ZNF316: variants seen among roughly 807,000 people sequenced by gnomAD.
ZNF316 encodes zinc finger protein 316.
In ZNF316, 23 loss-of-function variants were observed where a neutral mutation model predicts 75.6. That is an observed-to-expected ratio of 0.30 (90% CI 0.22 to 0.43). The LOEUF is 0.43. ZNF316 is among the 20% of genes least tolerant of loss of function. The pLI is 1.00. For missense variants in ZNF316, 1,266 were observed against 1,409.4 expected (o/e 0.90, Z 1.63); for synonymous variants, 827 against 666.2 (o/e 1.24, Z -3.72).
intron 3 of ZNF316, among the ~76,000 whole-genome samples, chr7:6,641,480 G>A (rs1779311075): frequency 6.6e-6 from 1 of 152,226 alleles, no homozygotes; most frequent in African/African-American, 2.4e-5. Context: ...GACACGCAGT[G>A]GGGAGGGGCG....
intron 6 of ZNF316, 63 bp from the exon 7 acceptor site, chr7:6,643,759 A>G: frequency 8.1e-7 from 1 of 1,230,166 alleles, no homozygotes; most frequent in East Asian, 3.2e-5. Context: ...CAGTGGCCTC[A>G]ATCTTCCGTG....
rs951881780 is a variant in ZNF316, at chr7:6,656,999, G to A, written c.*2388G>A. Among the ~76,000 whole-genome samples, 2 of 152,110 alleles carry A rather than the reference G, an allele frequency of 1.3e-5. No individual in the cohort carries two copies. The highest frequency in any genetic ancestry group is 2.4e-5 in the African/African-American group (1 of 41,430). Reference sequence around the variant, plus strand: ...TGCTGTAATCAAATGTGATCTGGAGGCATCAGAACAGAGCAATCTAATGCT... The same window carrying A: ...TGCTGTAATCAAATGTGATCTGGAGACATCAGAACAGAGCAATCTAATGCT... On this transcript the variant is annotated 3_prime_UTR_variant, in exon 9 of 9. Transcript: ENST00000382252.
At position 6,653,266 on chromosome 7, in the gene ZNF316, AG is replaced by A; in HGVS notation, c.1672del (p.Glu558ArgfsTer233). The A allele has an allele frequency of 1.6e-6, 2 of 1,227,292 alleles. No homozygotes were observed. The highest frequency in any genetic ancestry group is 2.0e-6 in the Non-Finnish European group (2 of 985,808). 76.0% of individuals were successfully genotyped at this position (1,227,292 alleles called of 1,614,324 possible). A position where few individuals can be genotyped will look rare whatever the true frequency, so the allele number is the denominator to read the frequency against. On this transcript the variant is annotated frameshift_variant, in exon 9 of 9. Transcript: ENST00000382252. LOFTEE classifies it high-confidence loss of function. ...GEAEAAAEER[E>X]EAAVAAPTPS... ...GCGGAGGCCGCGGCCGAGGAGAGAG[AG>A]GAGGCGGCGGTGGCGGCGCCCACCC...
Position 6,658,106 on chromosome 7 carries a change from G to A in ZNF316, c.*3495G>A, listed in dbSNP as rs986556676. Among the ~76,000 whole-genome samples the A allele has an allele frequency of 2.0e-5, 3 of 152,092 alleles. No individual in the cohort carries two copies. The highest frequency in any genetic ancestry group is 2.1e-4 in the South Asian group (1 of 4,812). Reference sequence around the variant, plus strand: ...TTTGTTATTTCCTTTCTCTTTTGCCGGTTTCCCCAACCTCCTTCCTTTTCT... The same window carrying A: ...TTTGTTATTTCCTTTCTCTTTTGCCAGTTTCCCCAACCTCCTTCCTTTTCT... On this transcript the variant is annotated 3_prime_UTR_variant, in exon 9 of 9. Coordinates refer to ENST00000382252, the MANE Select transcript of ZNF316 (RefSeq NM_001278559.2).
intron 7 of ZNF316, among the ~76,000 whole-genome samples, chr7:6,644,243 G>C (rs1017020421): frequency 3.9e-5 from 6 of 152,150 alleles, no homozygotes; most frequent in Non-Finnish European, 7.4e-5. Flanking sequence ...GGGAGGAGGA[G>C]GGTTGTGGGC....
At chr7:6,638,701 G>C (rs1205252623) in intron 2 of ZNF316, among the ~76,000 whole-genome samples, 1 of 152,212 alleles carries the variant, frequency 6.6e-6, no homozygotes, top group Non-Finnish European at 1.5e-5. Context: ...TTGTGAGGTC[G>C]AGGCGGGTGG....
At position 6,642,221 on chromosome 7, in the gene ZNF316, C is replaced by T. The variant is rs762750110; in HGVS notation, c.-28-161C>T. On this transcript the variant is annotated intron_variant, in intron 4 of 8. Coordinates refer to ENST00000382252, the MANE Select transcript of ZNF316 (RefSeq NM_001278559.2). This position sits in a 1 kb window ranked among gnomAD's most constrained non-coding sequence, Gnocchi z 8.1. ...ATGTCTTGATGGTGCAGGGTAAGAT[C>T]GTGGGAAGGCCCGGTCCTCCCTCAT... 9.3e-5 allele frequency: 37 copies of T among 399,250 alleles called. No individual in the cohort carries two copies. The highest frequency in any genetic ancestry group is 1.4e-4 in the Non-Finnish European group (32 of 228,090). 24.7% of individuals were successfully genotyped at this position (399,250 alleles called of 1,614,324 possible).
At position 6,641,250 on chromosome 7, in the gene ZNF316, C is replaced by T. The variant is rs551666030; in HGVS notation, c.-166-575C>T. Among the ~76,000 whole-genome samples the T allele has an allele frequency of 6.6e-5, 10 of 152,334 alleles. No individual in the cohort carries two copies. The South Asian group carries it at 2.1e-3, about 32-fold the overall frequency. On this transcript the variant is annotated intron_variant, in intron 3 of 8. Coordinates refer to ENST00000382252, the MANE Select transcript of ZNF316 (RefSeq NM_001278559.2). ...CCCAGTGCTCTGTGTGGCCAAGTGG[C>T]CTGACATTCCAGGATGCTTCTGGGG...
intron 6 of ZNF316, among the ~76,000 whole-genome samples, chr7:6,643,299 T>C (rs1266087605): frequency 6.6e-6 from 1 of 152,158 alleles, no homozygotes; most frequent in Non-Finnish European, 1.5e-5. Context: ...TCCTGATTGC[T>C]TTGGCTGCCA....
At chr7:6,645,879 A>T (rs1418836450) in intron 8 of ZNF316, among the ~76,000 whole-genome samples, 4 of 151,098 alleles carry the variant, frequency 2.6e-5, no homozygotes, top group Non-Finnish European at 4.4e-5. Flanking sequence ...CTGTAGTCCC[A>T]GCTACTTGGG....
chr7:6,650,688 A>T (rs1000860873), intron 8 of ZNF316, among the ~76,000 whole-genome samples: 19 of 152,178 alleles, frequency 1.2e-4, no homozygotes, highest in Admixed American at 2.6e-4. Context: ...GTGACGGCTG[A>T]AATGGGCAGG....
chr7:6,657,901 T>TAA lies in ZNF316; in HGVS notation c.*3298_*3299dup, dbSNP rs369688400. Among the ~76,000 whole-genome samples, 3,298 of 145,562 alleles carry TAA rather than the reference T, an allele frequency of 0.023. 58 individuals are homozygous for TAA. The highest frequency in any genetic ancestry group is 0.05 in the Middle Eastern group (14 of 282). ...ATAGTTGACTGTCCAGCCAAATACT[T>TAA]AAAAAAAAAGTTTATAGGGAGAAAA... On this transcript the variant is annotated 3_prime_UTR_variant, in exon 9 of 9. Coordinates refer to ENST00000382252, the MANE Select transcript of ZNF316 (RefSeq NM_001278559.2).
intron 7 of ZNF316, 130 bp from the exon 8 acceptor site, chr7:6,644,350 G>A (rs566029997): frequency 2.2e-6 from 1 of 444,988 alleles, no homozygotes; most frequent in African/African-American, 2.0e-5. Context: ...ACCCTCCAGA[G>A]CAGGGGTGTG....
chr7:6,647,468 G>A (rs534392982), intron 8 of ZNF316, among the ~76,000 whole-genome samples: 20 of 152,354 alleles, frequency 1.3e-4, no homozygotes, highest in South Asian at 2.1e-4. Flanking sequence ...ACTGTCCCCC[G>A]TGAGAGAAGA....
In ZNF316 at chr7:6,657,831, C is replaced by CA. The variant is rs747347808; in HGVS notation, c.*3246dup. On this transcript the variant is annotated 3_prime_UTR_variant, in exon 9 of 9. Coordinates refer to ENST00000382252, the MANE Select transcript of ZNF316 (RefSeq NM_001278559.2). ...GTGACAGAACAAGACCCTATCTCAC[C>CA]AAAAAAAAAAAAAAAAAAAAAAAAA... Among the ~76,000 whole-genome samples, 9,304 of 27,584 alleles carry CA rather than the reference C, an allele frequency of 0.34. 2,578 individuals are homozygous for CA. The highest frequency in any genetic ancestry group is 0.67 in the East Asian group (635 of 950). The allele number at this position is 27,584 out of a possible 152,430, so 18.1% of individuals were successfully genotyped here. A position where few individuals can be genotyped will look rare whatever the true frequency, so the allele number is the denominator to read the frequency against.
chr7:6,657,311 C>CAAAA lies in ZNF316; in HGVS notation c.*2724_*2727dup, dbSNP rs33942632. 1.5e-5 allele frequency among the ~76,000 whole-genome samples: 1 copy of CAAAA among 65,194 alleles called. No homozygotes were observed. The highest frequency in any genetic ancestry group is 2.8e-5 in the Non-Finnish European group (1 of 35,908). 42.8% of individuals were successfully genotyped at this position (65,194 alleles called of 152,430 possible). The stretch of plus-strand genomic sequence containing the variant: ...GCCCGGCCAGAGCAACCTAATATTT[C>CAAAA]AAAAAAAAAAAAAAAAAAAAAAAAA... On this transcript the variant is annotated 3_prime_UTR_variant, in exon 9 of 9. Coordinates refer to ENST00000382252, the MANE Select transcript of ZNF316 (RefSeq NM_001278559.2).
At chr7:6,638,330 G>A (rs187710537) in intron 2 of ZNF316, among the ~76,000 whole-genome samples, 176 of 152,294 alleles carry the variant, frequency 1.2e-3, no homozygotes, top group African/African-American at 4.1e-3. Context: ...AGGACAGACA[G>A]TGAGGACTGT....
At chr7:6,646,121 C>T (rs1395788479) in intron 8 of ZNF316, among the ~76,000 whole-genome samples, 8 of 152,118 alleles carry the variant, frequency 5.3e-5, no homozygotes, top group South Asian at 2.1e-4. Flanking sequence ...ACGACACGTG[C>T]GGATTACAAT....
At chr7:6,646,619 C>G (rs187102953) in intron 8 of ZNF316, among the ~76,000 whole-genome samples, 2 of 151,982 alleles carry the variant, frequency 1.3e-5, no homozygotes, top group African/African-American at 4.8e-5. Flanking sequence ...GGATGCCCCC[C>G]GGCCCTGAGT....
Sources: allele counts gnomAD v4.1 joint callset (sites outside exome capture counted in the v4.1 genomes callset), GRCh38; gene constraint gnomAD v4.1.1; non-coding constraint Gnocchi (gnomAD v3.1); transcripts MANE v1.5; gene names NCBI Gene and HGNC (gene_info 2026-07-23, HGNC 2026-07-21).